GABRA1: variants seen among roughly 807,000 people sequenced by gnomAD.
The protein encoded by GABRA1 is gamma-aminobutyric acid type A receptor subunit alpha1.
Under a neutral mutation model 48.9 loss-of-function variants are expected in GABRA1, and 9 were observed. The observed-to-expected ratio is 0.18, with a 90% CI of 0.11 to 0.32. The LOEUF (loss-of-function observed/expected upper bound fraction) is 0.32, where lower values mean the gene tolerates loss of function less well. Ranked by LOEUF, GABRA1 falls within the 10% of genes least tolerant of loss-of-function variation. GABRA1 has a pLI of 1.00. For synonymous variants in GABRA1, 210 were observed against 198.7 expected, an observed-to-expected ratio of 1.06 and a Z score of -0.48; for missense variants, 285 against 553.8, an observed-to-expected ratio of 0.51 and a Z score of 4.87.
intron 8 of GABRA1, among the ~76,000 whole-genome samples, chr5:161,894,029 C>A (rs1755245058): frequency 6.6e-6 from 1 of 152,132 alleles, no homozygotes; most frequent in South Asian, 2.1e-4. Flanking sequence ...GAACTGACTA[C>A]ATAAACCAAG....
chr5:161,886,245 A>G (rs922596728), intron 7 of GABRA1, among the ~76,000 whole-genome samples: 1 of 152,102 alleles, frequency 6.6e-6, no homozygotes, highest in African/African-American at 2.4e-5. Context: ...GTGGAAGCAT[A>G]GTTGCTAAGA....
At chr5:161,854,124 T>C (rs1757551854) in intron 2 of GABRA1, 34 bp from the exon 3 acceptor site, 1 of 1,064,766 alleles carries the variant, frequency 9.4e-7, no homozygotes, top group Admixed American at 1.7e-5. Flanking sequence ...AAATGTATAA[T>C]TTAGCTATTG....
chr5:161,885,564 C>T (rs1561581669), intron 7 of GABRA1, among the ~76,000 whole-genome samples: 1 of 152,128 alleles, frequency 6.6e-6, no homozygotes, highest in Non-Finnish European at 1.5e-5. Flanking sequence ...CTACTGACCT[C>T]TTTGAGTCAA....
chr5:161,865,615 G>A (rs542216363), intron 3 of GABRA1, 106 bp from the exon 4 acceptor site: 3 of 896,786 alleles, frequency 3.3e-6, no homozygotes, highest in South Asian at 2.6e-5. Context: ...TTTAGAAATA[G>A]CTAATCAAAG....
chr5:161,896,749 C>A (rs1314301782), intron 9 of GABRA1, among the ~76,000 whole-genome samples: 1 of 152,146 alleles, frequency 6.6e-6, no homozygotes, highest in Non-Finnish European at 1.5e-5. Context: ...TTGAATATTG[C>A]TGCATACTGT....
At chr5:161,871,270 G>A (rs1398434534) in intron 4 of GABRA1, among the ~76,000 whole-genome samples, 1 of 152,010 alleles carries the variant, frequency 6.6e-6, no homozygotes, top group Non-Finnish European at 1.5e-5. Context: ...CCAAAGGCTC[G>A]ATTCATGGGA....
chr5:161,877,167 A>T (rs1034433796), intron 6 of GABRA1, among the ~76,000 whole-genome samples: 1 of 151,908 alleles, frequency 6.6e-6, no homozygotes, highest in Non-Finnish European at 1.5e-5. Context: ...TCTGTCTCAC[A>T]CTCCTGGTCT....
intron 2 of GABRA1, 23 bp downstream of exon 2, chr5:161,850,907 C>T: frequency 6.3e-7 from 1 of 1,592,880 alleles, no homozygotes; most frequent in Non-Finnish European, 8.6e-7. Flanking sequence ...TTTTAAAAAT[C>T]TGCATGAAAA....
chr5:161,861,144 C>A (rs1323570152), intron 3 of GABRA1, among the ~76,000 whole-genome samples: 1 of 151,718 alleles, frequency 6.6e-6, no homozygotes, highest in African/African-American at 2.4e-5. Flanking sequence ...TCTCGTATAA[C>A]AAAATGCTAC....
intron 2 of GABRA1, among the ~76,000 whole-genome samples, chr5:161,852,943 C>A (rs1302422164): frequency 6.6e-6 from 1 of 151,834 alleles, no homozygotes; most frequent in Non-Finnish European, 1.5e-5. Flanking sequence ...TCAAATGTTA[C>A]TATTTTTCTT....
intron 7 of GABRA1, among the ~76,000 whole-genome samples, chr5:161,884,246 T>C (rs1754741419): frequency 6.6e-6 from 1 of 152,152 alleles, no homozygotes; most frequent in Non-Finnish European, 1.5e-5. Flanking sequence ...GATATGAAAG[T>C]AAGCTGTGTT....
At chr5:161,861,961 T>C (rs1757876189) in intron 3 of GABRA1, among the ~76,000 whole-genome samples, 1 of 151,934 alleles carries the variant, frequency 6.6e-6, no homozygotes, top group South Asian at 2.1e-4. Context: ...TATGAACCCA[T>C]GGAACTGTTA....
chr5:161,886,148 G>A (rs546195679), intron 7 of GABRA1, among the ~76,000 whole-genome samples: 81 of 152,208 alleles, frequency 5.3e-4, no homozygotes, highest in African/African-American at 1.8e-3. Context: ...TGGCAGAACT[G>A]GGATTTGAAC....
intron 3 of GABRA1, among the ~76,000 whole-genome samples, chr5:161,862,895 C>A (rs778594332): frequency 6.6e-6 from 1 of 151,778 alleles, no homozygotes; most frequent in Non-Finnish European, 1.5e-5. Context: ...AAGTATTGCA[C>A]CTAAAATCAC....
intron 7 of GABRA1, among the ~76,000 whole-genome samples, 196 bp from the exon 8 acceptor site, chr5:161,890,702 T>C (rs115275699): frequency 1.8e-3 from 275 of 152,246 alleles, no homozygotes; most frequent in Non-Finnish European, 3.1e-3. Context: ...CTCAGTCTCA[T>C]CCTCAGAGTC....
chr5:161,895,905 T>C (rs777376574), intron 9 of GABRA1, 37 bp downstream of exon 9: 102 of 1,529,666 alleles, frequency 6.7e-5, no homozygotes, highest in Admixed American at 1.2e-4. Context: ...ACATCAATAT[T>C]ATGTCTCTTT....
intron 7 of GABRA1, among the ~76,000 whole-genome samples, chr5:161,888,519 T>C (rs1181777908): frequency 1.3e-5 from 2 of 152,118 alleles, no homozygotes; most frequent in African/African-American, 4.8e-5. Context: ...AAAAATGTCA[T>C]GTTGAGAACA....
intron 7 of GABRA1, among the ~76,000 whole-genome samples, chr5:161,886,032 C>T (rs1339764598): frequency 2.6e-5 from 4 of 152,028 alleles, no homozygotes; most frequent in Non-Finnish European, 5.9e-5. Flanking sequence ...CTAATACTCA[C>T]AAAAATCCTA....
chr5:161,850,660 C>T, intron 1 of GABRA1, 136 bp from the exon 2 acceptor site: 1 of 717,250 alleles, frequency 1.4e-6, no homozygotes, highest in Non-Finnish European at 2.5e-6. Flanking sequence ...TCCATTGCTT[C>T]CAATGAGGTG....
Sources: gnomAD v4.1 joint callset for allele counts (sites outside exome capture counted in the v4.1 genomes callset) on GRCh38, gnomAD v4.1.1 for gene constraint, MANE v1.5 for transcripts, NCBI Gene and HGNC (gene_info 2026-07-23, HGNC 2026-07-21) for gene names.